Variants in DLAT observed in about 807,000 individuals in gnomAD.
DLAT encodes dihydrolipoyllysine-residue acetyltransferase component of pyruvate dehydrogenase complex, mitochondrial.
In DLAT, 43 loss-of-function variants were observed where a neutral mutation model predicts 68.0. The ratio of observed to expected loss-of-function variants is 0.63; its 90% CI spans 0.50 to 0.81. The LOEUF is 0.81. Among genes scored for constraint, DLAT ranks in the 40% least tolerant of loss-of-function variants. DLAT has a pLI of 0.00. For missense variants in DLAT, 745 were observed against 815.4 expected (o/e 0.91, Z 1.05); for synonymous variants, 265 against 288.6 (o/e 0.92, Z 0.83).
In DLAT at chr11:112,061,166, T is replaced by G. The variant is rs1555183232; in HGVS notation, c.1806T>G (p.Asn602Lys). 1 of 1,614,112 alleles carries G rather than the reference T, an allele frequency of 6.2e-7. No homozygotes were observed. Among genetic ancestry groups the G allele is most frequent in the South Asian group, 1.1e-5 (1 of 91,088 alleles). Reference sequence around the variant, plus strand: ...AGGATAAACTGGTCCCTGCAGATAATGAAAAAGGGTAAGTGCCAAAATGGA... The same window carrying G: ...AGGATAAACTGGTCCCTGCAGATAAGGAAAAAGGGTAAGTGCCAAAATGGA... ...ASEDKLVPAD[N>K]EKGFDVASMM... Residue 602 changes from asparagine to lysine, a missense_variant, in exon 13 of 14, where the codon AAT (asparagine) becomes AAG (lysine). By Grantham distance (94) the Asn-to-Lys change is moderately conservative (BLOSUM62 0). Transcript: ENST00000280346.
intron 6 of DLAT, 64 bp downstream of exon 6, chr11:112,037,524 A>C (rs2137754544): frequency 2.0e-6 from 3 of 1,491,442 alleles, no homozygotes; most frequent in Non-Finnish European, 2.8e-6. Flanking sequence ...AGGAGTTTTG[A>C]TTAGATGATA....
intron 4 of DLAT, among the ~76,000 whole-genome samples, chr11:112,030,600 G>C (rs1862340934): frequency 6.6e-6 from 1 of 152,204 alleles, no homozygotes; most frequent in South Asian, 2.1e-4. Context: ...ATATGTAATA[G>C]TGTTGCATCA....
chr11:112,045,812 G>A (rs1863285208), intron 9 of DLAT, 51 bp from the exon 10 acceptor site: 1 of 1,160,288 alleles, frequency 8.6e-7, no homozygotes, highest in Admixed American at 1.7e-5. Context: ...CCCTAAATTA[G>A]TTAAGGTCTT....
intron 7 of DLAT, among the ~76,000 whole-genome samples, chr11:112,040,604 A>C (rs1863002935): frequency 6.6e-6 from 1 of 152,198 alleles, no homozygotes; most frequent in Admixed American, 6.5e-5. Flanking sequence ...GTTAGAAGTC[A>C]AGCCAATCCC....
rs193137917 is a variant in DLAT at position 112,051,169 on chromosome 11, C to A, written c.1399-65C>A. The A allele has an allele frequency of 2.6e-6, 3 of 1,165,862 alleles. No individual in the cohort carries two copies. Among genetic ancestry groups the A allele is most frequent in the Non-Finnish European group, 3.7e-6 (3 of 806,696 alleles). 72.2% of individuals were successfully genotyped at this position (1,165,862 alleles called of 1,614,324 possible). A position where few individuals can be genotyped will look rare whatever the true frequency, so the allele number is the denominator to read the frequency against. Reference sequence around the variant, plus strand: ...AAACCTGGACATTCTGCACATGCACCCTGAAACTTAAAATTAAAATTAAAA... The same window carrying A: ...AAACCTGGACATTCTGCACATGCACACTGAAACTTAAAATTAAAATTAAAA... On this transcript the variant is annotated intron_variant, in intron 10 of 13. Coordinates refer to ENST00000280346, the MANE Select transcript of DLAT (RefSeq NM_001931.5). This position sits in a 1 kb window ranked among gnomAD's most constrained non-coding sequence, Gnocchi z 4.3.
Position 112,039,411 on chromosome 11 carries a change from T to C in DLAT, c.1129+14T>C. 1 of 1,613,634 alleles carries C rather than the reference T, an allele frequency of 6.2e-7. No homozygotes were observed. Among genetic ancestry groups the C allele is most frequent in the Non-Finnish European group, 8.5e-7 (1 of 1,179,646 alleles). On this transcript the variant is annotated intron_variant, in intron 7 of 13. Transcript: ENST00000280346. Reference sequence around the variant, plus strand: ...CACAAGTAAAAGGTAAATCTGTTTCTATAGAATGGACTTTATAAAGTTAAA... The same window carrying C: ...CACAAGTAAAAGGTAAATCTGTTTCCATAGAATGGACTTTATAAAGTTAAA...
At chr11:112,054,401 T>A (rs1216657170) in intron 11 of DLAT, among the ~76,000 whole-genome samples, 2 of 152,140 alleles carry the variant, frequency 1.3e-5, no homozygotes, top group Non-Finnish European at 2.9e-5. Flanking sequence ...GTGTTAATAT[T>A]TGAATGCCTG....
intron 6 of DLAT, 145 bp from the exon 7 acceptor site, chr11:112,039,099 A>G (rs1360090609): frequency 4.5e-5 from 34 of 755,852 alleles, no homozygotes; most frequent in Admixed American, 1.5e-4. Flanking sequence ...AGCTGGCGAA[A>G]AGTACATTAT....
intron 10 of DLAT, among the ~76,000 whole-genome samples, chr11:112,050,222 T>C (rs782091345): frequency 6.6e-6 from 1 of 152,246 alleles, no homozygotes; most frequent in Non-Finnish European, 1.5e-5. Context: ...TAAATCAGAT[T>C]TGATCATGGT....
intron 8 of DLAT, among the ~76,000 whole-genome samples, chr11:112,044,847 A>C (rs1449565943): frequency 2.6e-5 from 4 of 152,124 alleles, no homozygotes; most frequent in African/African-American, 7.2e-5. Flanking sequence ...AGCCAGGGCA[A>C]CGTGGCTAAT....
intron 6 of DLAT, 150 bp downstream of exon 6, chr11:112,037,610 GTGTT>G: frequency 1.2e-6 from 1 of 850,106 alleles, no homozygotes; most frequent in African/African-American, 1.7e-5. Flanking sequence ...GAGACCTATA[GTGTT>G]TGTTGTACTG....
At chr11:112,032,078 C>T (rs1426865875) in intron 4 of DLAT, among the ~76,000 whole-genome samples, 5 of 151,220 alleles carry the variant, frequency 3.3e-5, no homozygotes, top group Non-Finnish European at 7.4e-5. Context: ...GAGGGGGTTT[C>T]GACATGATGG....
chr11:112,054,675 T>C (rs2137849228), intron 11 of DLAT, among the ~76,000 whole-genome samples: 1 of 152,310 alleles, frequency 6.6e-6, no homozygotes, highest in East Asian at 1.9e-4. Flanking sequence ...TTATAAACTG[T>C]ATAGTTTTCC....
chr11:112,027,864 C>T (rs1321747378), intron 2 of DLAT, among the ~76,000 whole-genome samples: 10 of 151,630 alleles, frequency 6.6e-5, no homozygotes, highest in Non-Finnish European at 1.2e-4. Flanking sequence ...AGTCCAGCTT[C>T]GGCTCAGCAT....
At chr11:112,046,371 A>G (rs587621361) in intron 10 of DLAT, among the ~76,000 whole-genome samples, 111 of 151,160 alleles carry the variant, frequency 7.3e-4, no homozygotes, top group Middle Eastern at 3.5e-3. Flanking sequence ...ATCTTTCCCC[A>G]TCGAATTGTC....
At chr11:112,052,938 A>G (rs1555182138) in intron 11 of DLAT, among the ~76,000 whole-genome samples, 1 of 152,094 alleles carries the variant, frequency 6.6e-6, no homozygotes, top group Non-Finnish European at 1.5e-5. Context: ...ACATACTCCT[A>G]TCACTCAGGA....
chr11:112,042,915 G>A (rs1206437178), intron 7 of DLAT, among the ~76,000 whole-genome samples: 2 of 152,120 alleles, frequency 1.3e-5, no homozygotes, highest in African/African-American at 4.8e-5. Flanking sequence ...AGAGTTATTC[G>A]TGCTATTTTG....
chr11:112,053,598 A>G (rs1863799253), intron 11 of DLAT, among the ~76,000 whole-genome samples: 2 of 151,840 alleles, frequency 1.3e-5, no homozygotes, highest in Admixed American at 1.3e-4. Context: ...GATTACAGGC[A>G]TGCGCCACCA....
Position 112,040,770 on chromosome 11 carries a change from G to A in DLAT, c.1129+1373G>A, listed in dbSNP as rs1029398651. Among the ~76,000 whole-genome samples the A allele has an allele frequency of 1.3e-4, 20 of 152,120 alleles. 1 individual carries two copies. The South Asian group carries it at 2.3e-3, about 17-fold the overall frequency. On this transcript the variant is annotated intron_variant, in intron 7 of 13. Coordinates refer to ENST00000280346, the MANE Select transcript of DLAT (RefSeq NM_001931.5). Reference sequence around the variant, plus strand: ...ATCAGGGACAGCAGTGTAAGTTGGAGTAACTTTTAAAGGGAGAAAGGACTG... The same window carrying A: ...ATCAGGGACAGCAGTGTAAGTTGGAATAACTTTTAAAGGGAGAAAGGACTG...
Sources: allele counts gnomAD v4.1 joint callset (sites outside exome capture counted in the v4.1 genomes callset), GRCh38; gene constraint gnomAD v4.1.1; non-coding constraint Gnocchi (gnomAD v3.1); transcripts MANE v1.5; gene names NCBI Gene and HGNC (gene_info 2026-07-23, HGNC 2026-07-21).